Variants in FHAD1 observed in about 807,000 individuals in gnomAD.
The protein encoded by FHAD1 is forkhead-associated domain-containing protein 1.
In FHAD1, 146 loss-of-function variants were observed where a neutral mutation model predicts 191.3. The ratio of observed to expected loss-of-function variants is 0.76; its 90% CI spans 0.67 to 0.88. FHAD1 has a LOEUF of 0.88. Ranked by LOEUF, FHAD1 falls within the 40% of genes least tolerant of loss-of-function variation. The probability of loss-of-function intolerance (pLI) is 0.00; values close to 1 mark genes in which losing one functional copy is unlikely to be tolerated. For missense variants in FHAD1, 1,635 were observed against 1,785.8 expected (o/e 0.92, Z 1.52); for synonymous variants, 616 against 672.3 (o/e 0.92, Z 1.29).
chr1:15,278,901 G>T (rs1242581522), intron 3 of FHAD1, among the ~76,000 whole-genome samples: 1 of 152,068 alleles, frequency 6.6e-6, no homozygotes, highest in Admixed American at 6.6e-5. Flanking sequence ...CACAAGAGAT[G>T]AATATTTATA....
rs879384480 is a variant in FHAD1, at chr1:15,276,297, T to C, written c.300+3768T>C. Among the ~76,000 whole-genome samples, 2 of 152,210 alleles carry C rather than the reference T, an allele frequency of 1.3e-5. No individual in the cohort carries two copies. Among genetic ancestry groups the C allele is most frequent in the Non-Finnish European group, 2.9e-5 (2 of 68,036 alleles). On this transcript the variant is annotated intron_variant, in intron 3 of 33. Transcript: ENST00000688493. This position sits in a 1 kb window ranked among gnomAD's most constrained non-coding sequence, Gnocchi z 4.7. ...TAGCAGGAAGGTAAGAGGAGCACGC[T>C]AGCAGCCACCTGCCTCCACTGTGAG...
intron 2 of FHAD1, among the ~76,000 whole-genome samples, chr1:15,260,703 C>G (rs1360319449): frequency 6.6e-6 from 1 of 152,266 alleles, no homozygotes; most frequent in Non-Finnish European, 1.5e-5. Flanking sequence ...AACAATGGTT[C>G]TAGTCTTTCT....
At chr1:15,365,961 C>A in intron 24 of FHAD1, 28 bp downstream of exon 24, 1 of 1,422,098 alleles carries the variant, frequency 7.0e-7, no homozygotes, top group African/African-American at 1.4e-5. Flanking sequence ...TGTCTCTTGA[C>A]CTCCTGACCC....
chr1:15,391,294 CT>C (rs1557461476), intron 33 of FHAD1, 31 bp downstream of exon 33: 10 of 1,266,012 alleles, frequency 7.9e-6, no homozygotes, highest in African/African-American at 1.5e-5. Flanking sequence ...TTAGAATTCT[CT>C]TTTTTTGTTG....
chr1:15,342,504 A>T (rs1687151614), intron 16 of FHAD1, among the ~76,000 whole-genome samples: 1 of 152,166 alleles, frequency 6.6e-6, no homozygotes, highest in Non-Finnish European at 1.5e-5. Flanking sequence ...GGCTTAGAGG[A>T]AGGTTTTCCC....
intron 2 of FHAD1, among the ~76,000 whole-genome samples, chr1:15,264,607 C>G (rs1652648649): frequency 6.7e-6 from 1 of 150,286 alleles, no homozygotes; most frequent in African/African-American, 2.4e-5. Context: ...ATATAAAAAT[C>G]ATGTTGTCCA....
intron 26 of FHAD1, among the ~76,000 whole-genome samples, chr1:15,373,560 A>AC (rs1698726192): frequency 6.6e-6 from 1 of 151,642 alleles, no homozygotes; most frequent in Admixed American, 6.6e-5. Context: ...CTCTTAGTAA[A>AC]CCCAACTCTA....
intron 3 of FHAD1, among the ~76,000 whole-genome samples, chr1:15,279,840 G>A (rs1659922809): frequency 2.0e-5 from 3 of 152,050 alleles, no homozygotes; most frequent in South Asian, 2.1e-4. Flanking sequence ...GGGAGGGAGG[G>A]GTGTCTCCCC....
At position 15,342,946 on chromosome 1, in the gene FHAD1, C is replaced by T. The variant is rs1687345081; in HGVS notation, c.2130+1058C>T. 2.6e-5 allele frequency among the ~76,000 whole-genome samples: 4 copies of T among 152,138 alleles called. No homozygotes were observed. The South Asian group carries it at 8.3e-4, about 32-fold the overall frequency. ...AAGTAGCTGGGACCACAGGCACACA[C>T]CACCACACCCAGCTAATATTTTTAT... On this transcript the variant is annotated intron_variant, in intron 16 of 33. Coordinates refer to ENST00000688493, the MANE Select transcript of FHAD1 (RefSeq NM_001391957.1).
intron 15 of FHAD1, among the ~76,000 whole-genome samples, chr1:15,339,771 G>A (rs1685762758): frequency 1.3e-5 from 2 of 152,122 alleles, no homozygotes; most frequent in African/African-American, 2.4e-5. Context: ...CTGCCCTCTG[G>A]CCTCCTGGGC....
intron 22 of FHAD1, 52 bp downstream of exon 22, chr1:15,360,755 T>C (rs1367762442): frequency 2.1e-6 from 3 of 1,459,106 alleles, no homozygotes; most frequent in Non-Finnish European, 2.8e-6. Context: ...CAGGTTCTGA[T>C]TGTCCGCTGG....
chr1:15,339,416 C>T (rs1685619783), intron 14 of FHAD1, 65 bp from the exon 15 acceptor site: 6 of 752,686 alleles, frequency 8.0e-6, no homozygotes, highest in African/African-American at 1.9e-5. Flanking sequence ...TTGCTTTCAT[C>T]CACCTGTCTG....
chr1:15,238,195 C>A (rs999588759), intron 1 of FHAD1, among the ~76,000 whole-genome samples: 1 of 134,166 alleles, frequency 7.5e-6, no homozygotes, highest in Admixed American at 8.9e-5. Context: ...TATAGTGAGC[C>A]GAGACTGCAC....
intron 3 of FHAD1, among the ~76,000 whole-genome samples, chr1:15,282,033 G>T (rs1294660173): frequency 6.6e-6 from 1 of 152,110 alleles, no homozygotes; most frequent in African/African-American, 2.4e-5. Flanking sequence ...CTTTTGGGTT[G>T]GTGCTTATCC....
intron 33 of FHAD1, among the ~76,000 whole-genome samples, chr1:15,392,526 G>T (rs1025943784): frequency 9.3e-5 from 14 of 150,954 alleles, no homozygotes; most frequent in African/African-American, 2.7e-4. Flanking sequence ...GCGAGACTCC[G>T]TCTCGAAAAA....
chr1:15,247,518 C>G (rs907407008), intron 1 of FHAD1, 123 bp downstream of exon 1: 1 of 162,404 alleles, frequency 6.2e-6, no homozygotes, highest in Non-Finnish European at 1.4e-5. Context: ...GATCCAGGCT[C>G]CGGTCCCCAG....
chr1:15,301,365 A>C lies in FHAD1; in HGVS notation c.839A>C (p.Glu280Ala), dbSNP rs1668707478. The change falls in exon 6 of 34, where the codon GAG (glutamate) becomes GCG (alanine). Residue 280 changes from glutamate to alanine, a missense_variant. By Grantham distance (107) the Glu-to-Ala change is moderately radical. Transcript: ENST00000688493. The stretch of plus-strand genomic sequence containing the variant: ...ACCACCTCCAGGCAGAATGAGAAGG[A>C]GATCTCGCAGAAGTGTCAGGTTCTG... ...ETTTSRQNEK[E>A]ISQKCQVLDE... The C allele has an allele frequency of 1.9e-6, 3 of 1,551,666 alleles. No homozygotes were observed. Among genetic ancestry groups the C allele is most frequent in the Admixed American group, 2.0e-5 (1 of 50,982 alleles).
At chr1:15,285,998 A>G (rs906699670) in intron 3 of FHAD1, among the ~76,000 whole-genome samples, 1 of 152,256 alleles carries the variant, frequency 6.6e-6, no homozygotes, top group East Asian at 1.9e-4. Context: ...CAGAGTATTT[A>G]AATTCATAGA....
At chr1:15,252,170 C>G (rs577138747) in intron 2 of FHAD1, among the ~76,000 whole-genome samples, 93 of 152,312 alleles carry the variant, frequency 6.1e-4, no homozygotes, top group African/African-American at 2.2e-3. Context: ...TAGGGCTTAT[C>G]CCGAGAGGGT....
Sources: allele counts gnomAD v4.1 joint callset (sites outside exome capture counted in the v4.1 genomes callset), GRCh38; gene constraint gnomAD v4.1.1; non-coding constraint Gnocchi (gnomAD v3.1); transcripts MANE v1.5; gene names NCBI Gene and HGNC (gene_info 2026-07-23, HGNC 2026-07-21).